The following MAF variants were observed in gnomAD, a reference collection of about 807,000 sequenced individuals.
The protein encoded by MAF is MAF bZIP transcription factor, also known as transcription factor Maf.
A neutral mutation model predicts 22.0 loss-of-function variants in MAF; 10 were observed. The ratio of observed to expected loss-of-function variants is 0.45; its 90% CI spans 0.28 to 0.77. The LOEUF (loss-of-function observed/expected upper bound fraction) is 0.77, where lower values mean the gene tolerates loss of function less well. Ranked by LOEUF, MAF falls within the 30% of genes least tolerant of loss-of-function variation. MAF has a pLI of 0.12. For synonymous variants in MAF, 337 were observed against 255.8 expected (o/e 1.32, Z -3.03); for missense variants, 544 against 548.4 (o/e 0.99, Z 0.08).
At chr16:79,455,836 G>A in the MAF span, among the ~76,000 whole-genome samples, 4 of 152,050 alleles carry the variant, frequency 2.6e-5, no homozygotes, top group Non-Finnish European at 4.4e-5. Flanking sequence ...TGGCCAACAC[G>A]GTGAAACTCT....
chr16:79,593,346 G>A (rs780376086), downstream of MAF, among the ~76,000 whole-genome samples: 42 of 152,146 alleles, frequency 2.8e-4, no homozygotes, highest in Non-Finnish European at 5.4e-4. Context: ...TGCAGCTACC[G>A]AGACAGCTGT....
At chr16:79,257,774 CAAG>C in the MAF span, among the ~76,000 whole-genome samples, 84 of 152,150 alleles carry the variant, frequency 5.5e-4, no homozygotes, top group Non-Finnish European at 9.6e-4. Flanking sequence ...GAATCATGTT[CAAG>C]AAGAACACTC....
the MAF span, among the ~76,000 whole-genome samples, chr16:79,366,240 G>C: frequency 2.0e-4 from 30 of 152,274 alleles, no homozygotes; most frequent in African/African-American, 7.2e-4. Context: ...AGCTCTACAA[G>C]ATTCAACCTT....
the MAF span, among the ~76,000 whole-genome samples, chr16:79,419,767 C>T: frequency 6.6e-6 from 1 of 152,250 alleles, no homozygotes; most frequent in African/African-American, 2.4e-5. Flanking sequence ...TCTTTGTATA[C>T]CTAATCAAGA....
At chr16:79,410,870 A>G in the MAF span, among the ~76,000 whole-genome samples, 1 of 152,232 alleles carries the variant, frequency 6.6e-6, no homozygotes, top group African/African-American at 2.4e-5. Flanking sequence ...CAGAGAGGCC[A>G]GAGATAACCC....
chr16:79,500,435 G>C, the MAF span, among the ~76,000 whole-genome samples: 1 of 152,108 alleles, frequency 6.6e-6, no homozygotes, highest in Non-Finnish European at 1.5e-5. Flanking sequence ...GTCTCCACAA[G>C]ACCTCTGTCT....
chr16:79,293,841 G>A, the MAF span, among the ~76,000 whole-genome samples: 2 of 70,982 alleles, frequency 2.8e-5, no homozygotes, highest in Admixed American at 2.2e-4. Context: ...AATGAAAAGA[G>A]AGAGAGAGAG....
chr16:79,447,259 T>C, the MAF span, among the ~76,000 whole-genome samples: 2 of 151,852 alleles, frequency 1.3e-5, no homozygotes, highest in Non-Finnish European at 2.9e-5. Context: ...AGAAACAATG[T>C]CTGGATGACA....
the MAF span, among the ~76,000 whole-genome samples, chr16:79,529,880 G>C: frequency 6.6e-6 from 1 of 151,512 alleles, no homozygotes; most frequent in Non-Finnish European, 1.5e-5. Flanking sequence ...AGAATCGCTT[G>C]AACCTGGGAG....
At chr16:79,211,988 C>G in the MAF span, 25 of 1,533,556 alleles carry the variant, frequency 1.6e-5, no homozygotes, top group Admixed American at 3.9e-4. Flanking sequence ...TAAAGTATCA[C>G]TTTTCTGGGG....
chr16:79,550,616 C>A, the MAF span, among the ~76,000 whole-genome samples: 1 of 152,190 alleles, frequency 6.6e-6, no homozygotes, highest in Non-Finnish European at 1.5e-5. Flanking sequence ...CAGACAGGAT[C>A]ATCCTCATGC....
chr16:79,216,254 C>T, the MAF span, among the ~76,000 whole-genome samples: 5 of 152,130 alleles, frequency 3.3e-5, no homozygotes, highest in South Asian at 8.3e-4. Context: ...TACATGTATG[C>T]ATGCACAAAT....
the MAF span, among the ~76,000 whole-genome samples, chr16:79,462,591 A>G: frequency 6.6e-6 from 1 of 152,198 alleles, no homozygotes; most frequent in African/African-American, 2.4e-5. Context: ...ACACACACAC[A>G]AATACATTTG....
the MAF span, among the ~76,000 whole-genome samples, chr16:79,477,950 C>G: frequency 2.7e-5 from 4 of 147,918 alleles, no homozygotes; most frequent in African/African-American, 7.3e-5. Flanking sequence ...TCTCGAACTC[C>G]TGACCTCGTG....
the MAF span, among the ~76,000 whole-genome samples, chr16:79,247,288 GA>G: frequency 1.3e-5 from 2 of 152,230 alleles, no homozygotes; most frequent in East Asian, 3.8e-4. Flanking sequence ...AAGGCATCTT[GA>G]AATTACTGGC....
downstream of MAF, among the ~76,000 whole-genome samples, chr16:79,589,026 T>C (rs1241071564): frequency 6.6e-6 from 1 of 152,184 alleles, no homozygotes; most frequent in Non-Finnish European, 1.5e-5. Context: ...CTGACATGTT[T>C]GTTTTAGTTT....
the MAF span, among the ~76,000 whole-genome samples, chr16:79,488,773 T>C: frequency 1.3e-5 from 2 of 152,170 alleles, no homozygotes; most frequent in Admixed American, 1.3e-4. Flanking sequence ...CAAAGCAGCT[T>C]TCTTACCTCT....
the MAF span, among the ~76,000 whole-genome samples, chr16:79,399,604 C>T: frequency 1.3e-5 from 2 of 152,116 alleles, no homozygotes; most frequent in East Asian, 3.9e-4. Flanking sequence ...ACTGATACGC[C>T]CCAGCCAGGG....
chr16:79,487,866 C>T, the MAF span, among the ~76,000 whole-genome samples: 1 of 152,174 alleles, frequency 6.6e-6, no homozygotes, highest in Non-Finnish European at 1.5e-5. Flanking sequence ...GCTTTCATCT[C>T]TGCGTATGGA....
Sources: allele counts gnomAD v4.1 joint callset (sites outside exome capture counted in the v4.1 genomes callset), GRCh38; gene constraint gnomAD v4.1.1; transcripts MANE v1.5; gene names NCBI Gene and HGNC (gene_info 2026-07-23, HGNC 2026-07-21).